MYH9: variants seen among roughly 807,000 people sequenced by gnomAD.
MYH9 encodes myosin-9.
A neutral mutation model predicts 241.9 loss-of-function variants in MYH9; 29 were observed. The ratio of observed to expected loss-of-function variants is 0.12; its 90% CI spans 0.09 to 0.16. The LOEUF is 0.16. MYH9 is among the 10% of genes least tolerant of loss of function. The probability of loss-of-function intolerance (pLI) is 1.00; values close to 1 mark genes in which losing one functional copy is unlikely to be tolerated. For synonymous variants in MYH9, 1,047 were observed against 1,062.6 expected, an observed-to-expected ratio of 0.99 and a Z score of 0.29; for missense variants, 1,803 against 2,595.5, an observed-to-expected ratio of 0.69 and a Z score of 6.63.
At chr22:36,302,230 G>T in intron 20 of MYH9, 1 of 271,728 alleles carries the variant, frequency 3.7e-6, no homozygotes, top group South Asian at 4.1e-5. Context: ...TTGGTTTTTC[G>T]CCATTACCAT....
chr22:36,345,964 T>C (rs1015533372), intron 2 of MYH9, among the ~76,000 whole-genome samples: 1 of 152,238 alleles, frequency 6.6e-6, no homozygotes, highest in Middle Eastern at 3.4e-3. Flanking sequence ...CTGGCCAATA[T>C]GGGGAAACCC....
intron 13 of MYH9, 113 bp from the exon 14 acceptor site, chr22:36,312,335 G>T: frequency 9.3e-7 from 1 of 1,071,574 alleles, no homozygotes; most frequent in South Asian, 1.4e-5. Flanking sequence ...GACGGTGGGC[G>T]ACACACTCCC....
intron 1 of MYH9, among the ~76,000 whole-genome samples, chr22:36,374,766 G>A (rs1569537129): frequency 6.6e-6 from 1 of 152,196 alleles, no homozygotes; most frequent in Non-Finnish European, 1.5e-5. Context: ...CTTGGCCTAT[G>A]CAGAGGCTGG....
chr22:36,384,798 T>A (rs4821487), intron 1 of MYH9, among the ~76,000 whole-genome samples: 1 of 151,360 alleles, frequency 6.6e-6, no homozygotes, highest in African/African-American at 2.4e-5. Context: ...CACAAAGCTA[T>A]TAAGTAGCAT....
In MYH9 at chr22:36,284,551, T is replaced by C. The variant is rs370035188; in HGVS notation, c.5484-40A>G. 9 of 1,580,272 alleles carry C rather than the reference T, an allele frequency of 5.7e-6. No homozygotes were observed. The African/African-American group carries it at 1.2e-4, about 21-fold the overall frequency. ...AGGTGGCTCAGAGGGAACACCCTCC[T>C]TCAGAGGGTCCGGCCAACAAGCCCT... On this transcript the variant is annotated intron_variant, in intron 38 of 40. Coordinates refer to ENST00000216181, the MANE Select transcript of MYH9 (RefSeq NM_002473.6).
At chr22:36,287,905 C>A (rs556373567) in intron 34 of MYH9, among the ~76,000 whole-genome samples, 4 of 152,200 alleles carry the variant, frequency 2.6e-5, no homozygotes, top group Non-Finnish European at 5.9e-5. Flanking sequence ...AACCATCGCC[C>A]CAGAGCCCAG....
At chr22:36,309,179 G>A (rs1470071097) in intron 15 of MYH9, 103 bp downstream of exon 15, 1 of 969,260 alleles carries the variant, frequency 1.0e-6, no homozygotes, top group Non-Finnish European at 1.6e-6. Flanking sequence ...TATGTCAGGG[G>A]GCACATGTGT....
At chr22:36,384,593 AAAAAAAAAAAAAAAAAAAATATATAT>A (rs2018310602) in intron 1 of MYH9, among the ~76,000 whole-genome samples, 1 of 38,930 alleles carries the variant, frequency 2.6e-5, no homozygotes, top group Non-Finnish European at 5.0e-5. Context: ...AAAAAAAAAA[AAAAAAAAAAAAAAAAAAAATATATAT>A]ATATATATAT....
intron 31 of MYH9, 22 bp from the exon 32 acceptor site, chr22:36,289,319 TGAG>T (rs534634158): frequency 7.8e-5 from 125 of 1,594,556 alleles, no homozygotes; most frequent in Non-Finnish European, 1.0e-4. Flanking sequence ...GTGGGCACCA[TGAG>T]GCTCAGAGCT....
intron 5 of MYH9, chr22:36,325,159 A>G (rs1205584892): frequency 1.3e-6 from 1 of 746,836 alleles, no homozygotes; most frequent in Admixed American, 1.9e-5. Context: ...AGGGAGGGAG[A>G]GAGGGATGGA....
At chr22:36,299,520 G>C (rs1274012547) in intron 23 of MYH9, among the ~76,000 whole-genome samples, 1 of 152,170 alleles carries the variant, frequency 6.6e-6, no homozygotes, top group African/African-American at 2.4e-5. Flanking sequence ...CCCCTGCCCA[G>C]CGGCCACAGC....
At chr22:36,291,193 T>C (rs552221332) in intron 31 of MYH9, among the ~76,000 whole-genome samples, 4 of 152,012 alleles carry the variant, frequency 2.6e-5, no homozygotes, top group Non-Finnish European at 5.9e-5. Flanking sequence ...CAACAGCTCA[T>C]TGATAGCGGG....
chr22:36,325,162 G>A (rs767088093), intron 5 of MYH9: 1 of 746,984 alleles, frequency 1.3e-6, no homozygotes, highest in East Asian at 2.5e-5. Flanking sequence ...GAGGGAGAGA[G>A]GGATGGAGAG....
At chr22:36,304,562 C>G (rs997154279) in intron 18 of MYH9, among the ~76,000 whole-genome samples, 1 of 152,190 alleles carries the variant, frequency 6.6e-6, no homozygotes, top group African/African-American at 2.4e-5. Flanking sequence ...TGAGTCACCG[C>G]AGGGCTTTCA....
intron 1 of MYH9, among the ~76,000 whole-genome samples, chr22:36,366,295 G>A (rs973627095): frequency 2.6e-5 from 4 of 151,952 alleles, no homozygotes; most frequent in Admixed American, 6.6e-5. Flanking sequence ...ACTTATCTAC[G>A]CTAGGAAGGA....
rs774287781 is a variant in MYH9 at position 36,289,250 on chromosome 22, G to A, written c.4392C>T (p.Arg1464=). ...KTISAKYAEE[R]DRAEAEAREK... The stretch of plus-strand genomic sequence containing the variant: ...CTCGGGCCTCCGCCTCAGCCCGGTC[G>A]CGCTCCTCTGCATACTTGGCAGAGA... The change falls in exon 32 of 41, where the codon CGC becomes CGT. Residue 1464 remains arginine (R), a synonymous_variant. Coordinates refer to ENST00000216181, the MANE Select transcript of MYH9 (RefSeq NM_002473.6). 1.5e-5 allele frequency: 24 copies of A among 1,612,462 alleles called. No homozygotes were observed. The highest frequency in any genetic ancestry group is 4.4e-5 in the South Asian group (4 of 91,054).
In MYH9 at chr22:36,293,989, T is replaced by G. The variant is rs577708199; in HGVS notation, c.3837+103A>C. 2 of 1,488,676 alleles carry G rather than the reference T, an allele frequency of 1.3e-6. No homozygotes were observed. Among genetic ancestry groups the G allele is most frequent in the Non-Finnish European group, 1.8e-6 (2 of 1,083,108 alleles). 92.2% of individuals were successfully genotyped at this position (1,488,676 alleles called of 1,614,324 possible). On this transcript the variant is annotated intron_variant, in intron 28 of 40. Coordinates refer to ENST00000216181, the MANE Select transcript of MYH9 (RefSeq NM_002473.6). The surrounding 1 kb of genome is among the most constrained non-coding windows in gnomAD (Gnocchi z 5.1). ...AACCATGAGGGTCTGAGGAGCCAGT[T>G]TGAGAAGAGAGAGAGACAGAGAGCA...
At chr22:36,378,157 TC>T in intron 1 of MYH9, among the ~76,000 whole-genome samples, 1 of 151,650 alleles carries the variant, frequency 6.6e-6, no homozygotes, top group Middle Eastern at 3.4e-3. Context: ...ACACCTGTGA[TC>T]CCAGCTACTT....
chr22:36,292,085 C>A lies in MYH9; in HGVS notation c.4245G>T (p.Lys1415Asn). ...CGTCCAGCTCCTGCTGCAGCCGCGT[C>A]TTGGTCTTCTCCAGCTTGTCGTAGG... Reference protein sequence around the residue: ...VAAYDKLEKTKTRLQQELDDL... With the variant: ...VAAYDKLEKTNTRLQQELDDL... Residue 1415 changes from lysine (K) to asparagine (N), a missense_variant, in exon 31 of 41, where the codon AAG becomes AAT. Lys to Asn is a moderately conservative substitution (Grantham distance 94). Coordinates refer to ENST00000216181, the MANE Select transcript of MYH9 (RefSeq NM_002473.6). 1 of 1,614,236 alleles carries A rather than the reference C, an allele frequency of 6.2e-7. No individual in the cohort carries two copies. Among genetic ancestry groups the A allele is most frequent in the Non-Finnish European group, 8.5e-7 (1 of 1,180,060 alleles).
Sources: allele counts gnomAD v4.1 joint callset (sites outside exome capture counted in the v4.1 genomes callset), GRCh38; gene constraint gnomAD v4.1.1; non-coding constraint Gnocchi (gnomAD v3.1); transcripts MANE v1.5; gene names NCBI Gene and HGNC (gene_info 2026-07-23, HGNC 2026-07-21).